Variants in PROM1 observed in about 807,000 individuals in gnomAD.
PROM1 encodes prominin 1.
A neutral mutation model predicts 116.9 loss-of-function variants in PROM1; 105 were observed. The observed-to-expected ratio is 0.90, with a 90% CI of 0.77 to 1.06. PROM1 has a LOEUF of 1.06. Among genes scored for constraint, PROM1 ranks in the 50% least tolerant of loss-of-function variants. The probability of loss-of-function intolerance (pLI) is 0.00; values close to 1 mark genes in which losing one functional copy is unlikely to be tolerated. For missense variants in PROM1, 1,122 were observed against 1,045.2 expected, an observed-to-expected ratio of 1.07 and a Z score of -1.01; for synonymous variants, 393 against 387.0, an observed-to-expected ratio of 1.02 and a Z score of -0.18.
At chr4:16,067,728 G>A (rs777911795) in intron 2 of PROM1, among the ~76,000 whole-genome samples, 8 of 152,184 alleles carry the variant, frequency 5.3e-5, no homozygotes, top group South Asian at 4.1e-4. Context: ...CTGATCCTAC[G>A]TGGACATGGG....
intron 2 of PROM1, among the ~76,000 whole-genome samples, chr4:16,052,714 C>T (rs570378379): frequency 6.6e-6 from 1 of 152,194 alleles, no homozygotes; most frequent in African/African-American, 2.4e-5. Flanking sequence ...CTCTTGGGCT[C>T]AAGTGATCCG....
At chr4:15,977,424 C>CA (rs1444473330) in intron 26 of PROM1, among the ~76,000 whole-genome samples, 1 of 152,108 alleles carries the variant, frequency 6.6e-6, no homozygotes, top group Admixed American at 6.5e-5. Flanking sequence ...TGCTACACCG[C>CA]AAAAAGGAAG....
chr4:15,987,060 G>A (rs970539328), intron 20 of PROM1, among the ~76,000 whole-genome samples: 1 of 152,220 alleles, frequency 6.6e-6, no homozygotes, highest in Non-Finnish European at 1.5e-5. Flanking sequence ...TATGCTCCTT[G>A]GATGGCTTCC....
At chr4:16,020,875 T>C (rs1284347078) in intron 8 of PROM1, among the ~76,000 whole-genome samples, 1 of 152,204 alleles carries the variant, frequency 6.6e-6, no homozygotes, top group Non-Finnish European at 1.5e-5. Context: ...ACTCTGGAAG[T>C]CAGTCCAGGC....
intron 2 of PROM1, among the ~76,000 whole-genome samples, chr4:16,054,175 A>G (rs1206777007): frequency 6.6e-6 from 1 of 152,100 alleles, no homozygotes; most frequent in Non-Finnish European, 1.5e-5. Flanking sequence ...CATCACATCT[A>G]CCCTACTTTT....
chr4:15,991,674 C>T (rs1175181054), intron 17 of PROM1, among the ~76,000 whole-genome samples: 2 of 151,108 alleles, frequency 1.3e-5, no homozygotes, highest in Non-Finnish European at 3.0e-5. Flanking sequence ...GAGGCTCACG[C>T]CTGTAATTCC....
At chr4:15,970,926 G>A (rs3857147) in intron 27 of PROM1, 117 bp downstream of exon 27, 704,734 of 788,488 alleles carry the variant, frequency 0.89, 316,388 homozygotes, top group East Asian at 1. Context: ...TGTCTAATAT[G>A]CTGATCTAGA....
intron 26 of PROM1, among the ~76,000 whole-genome samples, chr4:15,972,251 T>G (rs549916993): frequency 1.3e-5 from 2 of 152,292 alleles, no homozygotes; most frequent in African/African-American, 2.4e-5. Flanking sequence ...AAGCAGTGTC[T>G]TAGTATGTTT....
chr4:15,987,180 A>T (rs1016265271), intron 20 of PROM1, among the ~76,000 whole-genome samples: 3 of 152,222 alleles, frequency 2.0e-5, no homozygotes, highest in African/African-American at 7.2e-5. Context: ...CTGAGCTTAA[A>T]GGACAACCTG....
chr4:16,047,339 G>A (rs1736781992), intron 2 of PROM1, among the ~76,000 whole-genome samples: 1 of 151,980 alleles, frequency 6.6e-6, no homozygotes, highest in Admixed American at 6.6e-5. Context: ...CAAGTAACTG[G>A]GATTACAGGT....
At chr4:16,068,550 GTTCT>G (rs1250838331) in intron 2 of PROM1, among the ~76,000 whole-genome samples, 1 of 152,134 alleles carries the variant, frequency 6.6e-6, no homozygotes, top group African/African-American at 2.4e-5. Context: ...TCAACTTTGT[GTTCT>G]TTGTTTCTGC....
intron 19 of PROM1, among the ~76,000 whole-genome samples, chr4:15,988,428 C>T (rs1720057348): frequency 6.6e-6 from 1 of 152,234 alleles, no homozygotes; most frequent in African/African-American, 2.4e-5. Context: ...TAGGTTTTAT[C>T]TGCCATAGTC....
chr4:16,073,946 G>T lies in PROM1; in HGVS notation c.220+1741C>A, dbSNP rs183105193. On this transcript the variant is annotated intron_variant, in intron 2 of 27. Transcript: ENST00000447510. ...AGGGACCAAAATAGAGCAACATATG[G>T]AAAGAGATTATGGGATTAACTAATT... Among the ~76,000 whole-genome samples, 32 of 152,258 alleles carry T rather than the reference G, an allele frequency of 2.1e-4. No individual in the cohort carries two copies. The South Asian group carries it at 3.7e-3, about 18-fold the overall frequency.
chr4:15,998,003 T>C (rs1014031396), intron 15 of PROM1, among the ~76,000 whole-genome samples: 3 of 152,172 alleles, frequency 2.0e-5, no homozygotes, highest in African/African-American at 7.2e-5. Context: ...TGCATTGCCT[T>C]CCCCCTATCA....
chr4:16,042,057 T>C (rs1735428212), intron 2 of PROM1, among the ~76,000 whole-genome samples: 1 of 152,058 alleles, frequency 6.6e-6, no homozygotes, highest in African/African-American at 2.4e-5. Context: ...CAAACGATCC[T>C]CTCACCTTGG....
At chr4:16,077,876 T>C (rs931385651) in intron 1 of PROM1, among the ~76,000 whole-genome samples, 1 of 152,122 alleles carries the variant, frequency 6.6e-6, no homozygotes, top group African/African-American at 2.4e-5. Flanking sequence ...ACTAATCTCA[T>C]TTCAAACATC....
chr4:16,074,289 A>G lies in PROM1; in HGVS notation c.220+1398T>C, dbSNP rs149320615. ...CACCATTTTATATGATGTGATTATT[A>G]CACATTGCATGTCTGTATCAAAATA... On this transcript the variant is annotated intron_variant, in intron 2 of 27. Coordinates refer to ENST00000447510, the MANE Select transcript of PROM1 (RefSeq NM_006017.3). Among the ~76,000 whole-genome samples, 7 of 152,322 alleles carry G rather than the reference A, an allele frequency of 4.6e-5. No individual in the cohort carries two copies. The East Asian group carries it at 1.3e-3, about 29-fold the overall frequency.
intron 2 of PROM1, among the ~76,000 whole-genome samples, chr4:16,047,358 C>T (rs1036558405): frequency 2.0e-5 from 3 of 152,082 alleles, no homozygotes; most frequent in Non-Finnish European, 4.4e-5. Context: ...GTGCATGCCA[C>T]CACACCTGGC....
chr4:16,062,507 A>G (rs1226538262), intron 2 of PROM1, among the ~76,000 whole-genome samples: 2 of 152,242 alleles, frequency 1.3e-5, no homozygotes, highest in African/African-American at 4.8e-5. Flanking sequence ...TGTCCTATAA[A>G]GACTTATTAA....
Sources: allele counts gnomAD v4.1 joint callset (sites outside exome capture counted in the v4.1 genomes callset), GRCh38; gene constraint gnomAD v4.1.1; transcripts MANE v1.5; gene names NCBI Gene and HGNC (gene_info 2026-07-23, HGNC 2026-07-21).